Variants in VGLL1 observed in about 807,000 individuals in gnomAD.
VGLL1 encodes the protein transcription cofactor vestigial-like protein 1.
In VGLL1, 4 loss-of-function variants were observed where a neutral mutation model predicts 12.0. The observed-to-expected ratio is 0.33, with a 90% CI of 0.16 to 0.76. The LOEUF is 0.76. VGLL1 is among the 30% of genes least tolerant of loss of function. The probability of loss-of-function intolerance (pLI) is 0.60; values close to 1 mark genes in which losing one functional copy is unlikely to be tolerated. For missense variants in VGLL1, 204 were observed against 208.7 expected, an observed-to-expected ratio of 0.98 and a Z score of 0.14; for synonymous variants, 87 against 81.2, an observed-to-expected ratio of 1.07 and a Z score of -0.39.
At chrX:136,550,562 AC>A (rs1287985288) in intron 3 of VGLL1, 1 of 363,328 alleles carries the variant, frequency 2.8e-6, no homozygotes, top group Admixed American at 5.5e-5. Flanking sequence ...GAAGTCAGTG[AC>A]CCTTAATCAG....
intron 1 of VGLL1, 27 bp downstream of exon 1, chrX:136,532,323 G>A (rs915313104): frequency 1.8e-5 from 2 of 111,578 alleles, no homozygotes; most frequent in East Asian, 2.8e-4. Context: ...ATTTTTTTGG[G>A]GGGAGAAGCA....
At chrX:136,554,993 G>A (rs904223603) in intron 4 of VGLL1, among the ~76,000 whole-genome samples, 80 of 112,300 alleles carry the variant, frequency 7.1e-4, no homozygotes, top group Non-Finnish European at 2.3e-4. Flanking sequence ...GTCAGAGGAC[G>A]TAGACATAGA....
At chrX:136,552,484 A>G (rs758132147) in intron 4 of VGLL1, among the ~76,000 whole-genome samples, 1 of 112,280 alleles carries the variant, frequency 8.9e-6, no homozygotes, top group Non-Finnish European at 1.9e-5. Flanking sequence ...ATTACTGATA[A>G]CTTGATGCTT....
chrX:136,533,744 G>A (rs2075832261), intron 1 of VGLL1, among the ~76,000 whole-genome samples: 2 of 111,794 alleles, frequency 1.8e-5, no homozygotes, highest in Admixed American at 9.5e-5. Flanking sequence ...GCCCCCTAGG[G>A]ATTAGGAGAT....
intron 2 of VGLL1, among the ~76,000 whole-genome samples, chrX:136,546,807 C>A (rs1238917537): frequency 8.9e-6 from 1 of 112,678 alleles, no homozygotes; most frequent in Non-Finnish European, 1.9e-5. Flanking sequence ...TAATCACTCT[C>A]TTTGTGCACT....
intron 2 of VGLL1, among the ~76,000 whole-genome samples, chrX:136,548,256 C>T (rs1237813671): frequency 8.9e-6 from 1 of 112,087 alleles, no homozygotes; most frequent in Admixed American, 9.4e-5. Context: ...CCAACTCGGC[C>T]TCCCAAGAAG....
chrX:136,541,267 A>G (rs903279961), intron 2 of VGLL1, among the ~76,000 whole-genome samples: 2 of 112,415 alleles, frequency 1.8e-5, no homozygotes, highest in African/African-American at 6.5e-5. Flanking sequence ...CAGCCTTCAC[A>G]GGCCAGATAG....
intron 2 of VGLL1, among the ~76,000 whole-genome samples, chrX:136,548,280 C>A (rs1715726887): frequency 8.9e-6 from 1 of 112,026 alleles, no homozygotes; most frequent in Admixed American, 9.4e-5. Flanking sequence ...GGATTACAGG[C>A]ATGAGCCACT....
intron 4 of VGLL1, among the ~76,000 whole-genome samples, chrX:136,551,409 CA>C (rs1341215837): frequency 9.0e-6 from 1 of 111,386 alleles, no homozygotes; most frequent in Non-Finnish European, 1.9e-5. Flanking sequence ...GGCATGAGGC[CA>C]GGACTCTGAG....
At chrX:136,536,346 A>G in intron 2 of VGLL1, 112 bp downstream of exon 2, 1 of 775,861 alleles carries the variant, frequency 1.3e-6, no homozygotes, top group Non-Finnish European at 1.9e-6. Context: ...GCTAAAGGCA[A>G]GTTGCTCTGA....
intron 2 of VGLL1, among the ~76,000 whole-genome samples, chrX:136,537,731 ATTT>A (rs758312135): frequency 4.0e-5 from 4 of 100,331 alleles, no homozygotes; most frequent in African/African-American, 1.5e-4. Context: ...AGCTAATTTA[ATTT>A]TTTTTTTTTT....
chrX:136,544,689 A>T (rs1792660845), intron 2 of VGLL1, among the ~76,000 whole-genome samples: 1 of 112,267 alleles, frequency 8.9e-6, no homozygotes, highest in Admixed American at 9.4e-5. Context: ...AACAAAAACT[A>T]CTATATATTT....
intron 1 of VGLL1, among the ~76,000 whole-genome samples, chrX:136,535,232 C>T (rs1386879688): frequency 2.7e-5 from 3 of 112,221 alleles, no homozygotes; most frequent in Non-Finnish European, 5.6e-5. Flanking sequence ...TGAGCATCTA[C>T]TCTATTCCAG....
chrX:136,548,566 T>C (rs370581044), intron 2 of VGLL1, 23 bp from the exon 3 acceptor site: 24 of 1,190,634 alleles, frequency 2.0e-5, no homozygotes, highest in Non-Finnish European at 2.4e-5. Flanking sequence ...ACCTAACATG[T>C]CTTCTAAATC....
chrX:136,535,953 A>G, intron 1 of VGLL1, 43 bp from the exon 2 acceptor site: 1 of 1,092,528 alleles, frequency 9.2e-7, no homozygotes, highest in Non-Finnish European at 1.3e-6. Context: ...CAGCCAAGCC[A>G]CTTGGTAAAT....
rs1333699985 is a variant in VGLL1 at position 136,548,867 on chromosome X, C to T, written c.493C>T (p.Arg165Cys). ...LVPEPQPDGK[R>C]EPLLSLLQQD... is the part of the protein sequence containing the mutation. ...TCCAGAGCCCCAGCCTGATGGGAAA[C>T]GTGAGCCTCTCCTAAGTCTCCTCCA... The change falls in exon 3 of 5, where the codon CGT (arginine) becomes TGT (cysteine). Residue 165 changes from arginine (R) to cysteine (C), a missense_variant. Physicochemically the swap from Arg to Cys is radical, Grantham distance 180 (BLOSUM62 -3). Coordinates refer to ENST00000370634, the MANE Select transcript of VGLL1 (RefSeq NM_016267.4). The T allele has an allele frequency of 7.4e-6, 9 of 1,210,648 alleles. No homozygotes were observed. Among genetic ancestry groups the T allele is most frequent in the Non-Finnish European group, 1.0e-5 (9 of 895,397 alleles).
At chrX:136,542,130 G>A (rs1325317170) in intron 2 of VGLL1, among the ~76,000 whole-genome samples, 1 of 109,421 alleles carries the variant, frequency 9.1e-6, no homozygotes, top group Non-Finnish European at 1.9e-5. Context: ...GCCTTTAGAG[G>A]TCTCAAAGGA....
intron 2 of VGLL1, among the ~76,000 whole-genome samples, chrX:136,541,237 G>GCCCT (rs760285998): frequency 8.9e-6 from 1 of 112,192 alleles, no homozygotes; most frequent in South Asian, 3.7e-4. Flanking sequence ...GTTGGGCATG[G>GCCCT]CCCTGTTCCT....
At chrX:136,546,910 T>A in intron 2 of VGLL1, among the ~76,000 whole-genome samples, 1 of 113,033 alleles carries the variant, frequency 8.8e-6, no homozygotes, top group Non-Finnish European at 1.9e-5. Flanking sequence ...TTTGGTTTCA[T>A]AAGAAGGGCC....
Sources: gnomAD v4.1 joint callset for allele counts (sites outside exome capture counted in the v4.1 genomes callset) on GRCh38, gnomAD v4.1.1 for gene constraint, MANE v1.5 for transcripts, NCBI Gene and HGNC (gene_info 2026-07-23, HGNC 2026-07-21) for gene names.